The following KCNH7 variants were observed in gnomAD, a reference collection of about 807,000 sequenced individuals.
The protein encoded by KCNH7 is potassium voltage-gated channel subfamily H member 7.
KCNH7 carries 49 observed loss-of-function variants against 120.8 expected under a neutral mutation model. That is an observed-to-expected ratio of 0.41 (90% CI 0.32 to 0.51). The LOEUF (loss-of-function observed/expected upper bound fraction) is 0.51. KCNH7 is among the 20% of genes least tolerant of loss of function. KCNH7 has a pLI of 0.38. For synonymous variants in KCNH7, 547 were observed against 516.1 expected (o/e 1.06, Z -0.81); for missense variants, 1,097 against 1,446.6 (o/e 0.76, Z 3.92).
intron 2 of KCNH7, among the ~76,000 whole-genome samples, chr2:162,669,827 C>T (rs1413344377): frequency 5.9e-5 from 9 of 152,104 alleles, no homozygotes; most frequent in Non-Finnish European, 1.0e-4. Context: ...AGGCCGGGAG[C>T]GGTGGCTCAC....
intron 2 of KCNH7, among the ~76,000 whole-genome samples, chr2:162,778,528 G>A (rs1683344414): frequency 6.6e-6 from 1 of 152,152 alleles, no homozygotes; most frequent in Non-Finnish European, 1.5e-5. Context: ...GCAGAACTAT[G>A]TATATTTTTC....
chr2:162,659,232 T>G (rs531222201), intron 2 of KCNH7, among the ~76,000 whole-genome samples: 1 of 152,372 alleles, frequency 6.6e-6, no homozygotes, highest in South Asian at 2.1e-4. Context: ...CATTTAACTT[T>G]TCTTTTTTAG....
intron 2 of KCNH7, among the ~76,000 whole-genome samples, chr2:162,685,907 CTCAG>C (rs1384213174): frequency 6.6e-6 from 1 of 151,946 alleles, no homozygotes; most frequent in African/African-American, 2.4e-5. Context: ...TTGATTGTTA[CTCAG>C]TCAGGAAAGA....
chr2:162,466,871 T>G (rs13408645), intron 6 of KCNH7, among the ~76,000 whole-genome samples: 11,208 of 152,186 alleles, frequency 0.074, 1,312 homozygotes, highest in African/African-American at 0.25. Flanking sequence ...ATGTATTAAA[T>G]GTAAAATAGA....
chr2:162,693,193 A>T (rs1686176354), intron 2 of KCNH7, among the ~76,000 whole-genome samples: 1 of 152,142 alleles, frequency 6.6e-6, no homozygotes, highest in Non-Finnish European at 1.5e-5. Flanking sequence ...GCTCATTGAA[A>T]AACACATCCC....
intron 2 of KCNH7, among the ~76,000 whole-genome samples, chr2:162,761,951 G>A (rs1429018304): frequency 2.0e-5 from 3 of 151,866 alleles, no homozygotes; most frequent in Non-Finnish European, 2.9e-5. Flanking sequence ...CTCCCTTAAT[G>A]TAATTTGAGT....
At position 162,452,692 on chromosome 2, in the gene KCNH7, C is replaced by T. The variant is rs193140903; in HGVS notation, c.1129-6249G>A. On this transcript the variant is annotated intron_variant, in intron 6 of 15. Transcript: ENST00000332142. ...AAAATACAGCCACATTTCAGAGACT[C>T]ATCACCTTAGGTCTCTTACTGAAAT... is the stretch of plus-strand genomic sequence containing the variant. Among the ~76,000 whole-genome samples the T allele has an allele frequency of 1.3e-3, 202 of 152,186 alleles. 1 individual carries two copies. Among genetic ancestry groups the T allele is most frequent in the Admixed American group, 2.4e-3 (36 of 15,258 alleles).
chr2:162,448,522 A>G (rs1472218655), intron 6 of KCNH7, among the ~76,000 whole-genome samples: 1 of 152,088 alleles, frequency 6.6e-6, no homozygotes, highest in African/African-American at 2.4e-5. Flanking sequence ...AATCTTTTTC[A>G]TAAAAAAGGC....
intron 2 of KCNH7, among the ~76,000 whole-genome samples, chr2:162,686,244 T>TA (rs1201608555): frequency 6.6e-6 from 1 of 151,996 alleles, no homozygotes; most frequent in Non-Finnish European, 1.5e-5. Flanking sequence ...AAGCCCAAAT[T>TA]AAAAAACATG....
At position 162,469,178 on chromosome 2, in the gene KCNH7, TGG is replaced by T. The variant is rs1380592682; in HGVS notation, c.1129-22737_1129-22736del. On this transcript the variant is annotated intron_variant, in intron 6 of 15. Transcript: ENST00000332142. ...TTATAGTACATTTGAAAAGTTAAGG[TGG>T]TATGTAATAGCTAAATACTGTTATG... Among the ~76,000 whole-genome samples the T allele has an allele frequency of 8.1e-3, 1,241 of 152,276 alleles. 18 individuals carry two copies. Among genetic ancestry groups the T allele is most frequent in the African/African-American group, 0.028 (1,183 of 41,544 alleles).
rs1162052411 is a variant in KCNH7, at chr2:162,666,256, T to C, written c.308-129176A>G. On this transcript the variant is annotated intron_variant, in intron 2 of 15. Coordinates refer to ENST00000332142, the MANE Select transcript of KCNH7 (RefSeq NM_033272.4). Reference sequence around the variant, plus strand: ...CATCATGCCTCACACTTCTGTTCACTTCCAACAGCGCTAGAAGCTCAACCA... The same window carrying C: ...CATCATGCCTCACACTTCTGTTCACCTCCAACAGCGCTAGAAGCTCAACCA... Among the ~76,000 whole-genome samples the C allele has an allele frequency of 3.3e-5, 5 of 152,270 alleles. No individual in the cohort carries two copies. In the East Asian group the frequency reaches 9.7e-4, roughly 29 times the overall value.
intron 2 of KCNH7, among the ~76,000 whole-genome samples, chr2:162,723,551 C>G (rs1249345955): frequency 6.6e-6 from 1 of 152,190 alleles, no homozygotes; most frequent in Non-Finnish European, 1.5e-5. Context: ...CTCAGTTTAA[C>G]TTTAGCAACT....
intron 2 of KCNH7, among the ~76,000 whole-genome samples, chr2:162,667,018 C>CTT (rs34213467): frequency 1.4e-4 from 18 of 124,210 alleles, no homozygotes; most frequent in Admixed American, 3.2e-4. Context: ...TTTTCTTTTT[C>CTT]TTTTTTTTTT....
chr2:162,396,646 C>A (rs1686919368), intron 11 of KCNH7, 94 bp downstream of exon 11: 12 of 845,912 alleles, frequency 1.4e-5, no homozygotes, highest in Non-Finnish European at 2.2e-5. Flanking sequence ...AGTCTTGCTG[C>A]AATATTTTGC....
At chr2:162,515,925 C>T (rs1325060120) in intron 4 of KCNH7, among the ~76,000 whole-genome samples, 8 of 151,780 alleles carry the variant, frequency 5.3e-5, no homozygotes, top group Admixed American at 3.3e-4. Context: ...GCCTTCTCTA[C>T]TTCATGGTGT....
intron 7 of KCNH7, among the ~76,000 whole-genome samples, chr2:162,437,382 T>C (rs541737882): frequency 2.6e-5 from 4 of 152,150 alleles, no homozygotes; most frequent in Non-Finnish European, 4.4e-5. Context: ...ATGAAGGTGC[T>C]TGCTTTTTTT....
chr2:162,482,341 C>T (rs115661965), intron 6 of KCNH7, among the ~76,000 whole-genome samples: 2,203 of 152,162 alleles, frequency 0.014, 64 homozygotes, highest in African/African-American at 0.049. Context: ...ATGTGATGTG[C>T]TGATGAGGAG....
intron 12 of KCNH7, among the ~76,000 whole-genome samples, chr2:162,391,666 T>C (rs1686749165): frequency 6.6e-6 from 1 of 152,058 alleles, no homozygotes; most frequent in Non-Finnish European, 1.5e-5. Context: ...GTACAAATTG[T>C]GACATTGCTC....
intron 2 of KCNH7, among the ~76,000 whole-genome samples, chr2:162,544,633 TA>T (rs1692416005): frequency 6.6e-6 from 1 of 152,162 alleles, no homozygotes; most frequent in South Asian, 2.1e-4. Flanking sequence ...TATTCTAAGA[TA>T]TTTTTTATGT....
Sources: gnomAD v4.1 joint callset for allele counts (sites outside exome capture counted in the v4.1 genomes callset) on GRCh38, gnomAD v4.1.1 for gene constraint, MANE v1.5 for transcripts, NCBI Gene and HGNC (gene_info 2026-07-23, HGNC 2026-07-21) for gene names.